ANKRD55: variants seen among roughly 807,000 people sequenced by gnomAD.
ANKRD55 encodes the protein ankyrin repeat domain-containing protein 55.
A neutral mutation model predicts 60.6 loss-of-function variants in ANKRD55; 41 were observed. The observed-to-expected ratio is 0.68, with a 90% CI of 0.53 to 0.88. The LOEUF (loss-of-function observed/expected upper bound fraction) is 0.88. Ranked by LOEUF, ANKRD55 falls within the 40% of genes least tolerant of loss-of-function variation. The pLI is 0.00. For synonymous variants in ANKRD55, 264 were observed against 290.3 expected (o/e 0.91, Z 0.92); for missense variants, 732 against 767.6 (o/e 0.95, Z 0.55).
intron 2 of ANKRD55, among the ~76,000 whole-genome samples, chr5:56,204,177 CT>C (rs1759447889): frequency 6.6e-6 from 1 of 151,676 alleles, no homozygotes; most frequent in African/African-American, 2.4e-5. Context: ...GGTGGGGTTG[CT>C]TTTTTCTTGT....
chr5:56,125,038 C>T (rs1017252137), intron 8 of ANKRD55, among the ~76,000 whole-genome samples: 1 of 152,008 alleles, frequency 6.6e-6, no homozygotes, highest in African/African-American at 2.4e-5. Context: ...ACCATGAGGC[C>T]TAGAGAATTG....
intron 8 of ANKRD55, among the ~76,000 whole-genome samples, chr5:56,126,291 T>C (rs902620844): frequency 6.6e-6 from 1 of 152,246 alleles, no homozygotes; most frequent in African/African-American, 2.4e-5. Context: ...ACATTTCCAT[T>C]GACTCAGTGC....
intron 10 of ANKRD55, among the ~76,000 whole-genome samples, chr5:56,104,726 C>A (rs1176927245): frequency 1.3e-5 from 2 of 152,196 alleles, no homozygotes; most frequent in African/African-American, 4.8e-5. Flanking sequence ...GAGCACTCAT[C>A]ATATTCCAGA....
intron 5 of ANKRD55, among the ~76,000 whole-genome samples, chr5:56,166,632 A>G (rs1439251772): frequency 6.6e-6 from 1 of 152,166 alleles, no homozygotes; most frequent in African/African-American, 2.4e-5. Context: ...AAACAAGACA[A>G]AGAGAAAACA....
chr5:56,190,765 A>T (rs1174952628), intron 2 of ANKRD55, among the ~76,000 whole-genome samples: 1 of 152,226 alleles, frequency 6.6e-6, no homozygotes. Context: ...CAGAAGAGGA[A>T]ATCAGGCCAA....
intron 2 of ANKRD55, among the ~76,000 whole-genome samples, chr5:56,217,607 A>G (rs1467779679): frequency 6.6e-6 from 1 of 152,234 alleles, no homozygotes; most frequent in East Asian, 1.9e-4. Context: ...AGATACCCTT[A>G]AAAACATTCA....
chr5:56,157,539 G>C (rs1301097726), intron 6 of ANKRD55, among the ~76,000 whole-genome samples: 2 of 152,222 alleles, frequency 1.3e-5, no homozygotes, highest in Non-Finnish European at 2.9e-5. Flanking sequence ...AAACCCAGTT[G>C]TATATTCCAT....
chr5:56,178,368 A>G (rs569567151), intron 3 of ANKRD55, among the ~76,000 whole-genome samples: 1 of 151,952 alleles, frequency 6.6e-6, no homozygotes, highest in Non-Finnish European at 1.5e-5. Flanking sequence ...ATATTTCTTA[A>G]GTTTAAAATA....
In ANKRD55 at chr5:56,198,362, C is replaced by G. The variant is rs143837307; in HGVS notation, c.59-14728G>C. On this transcript the variant is annotated intron_variant, in intron 2 of 11. Transcript: ENST00000341048. ...TTACCCAGGCGTGATCTTGGCTCAC[C>G]GCAACCTCTGCCTCCTGGGTTCAAG... is the stretch of plus-strand genomic sequence containing the variant. Among the ~76,000 whole-genome samples, 33 of 151,880 alleles carry G rather than the reference C, an allele frequency of 2.2e-4. No homozygotes were observed. In the East Asian group the frequency reaches 6.0e-3, roughly 28 times the overall value.
intron 7 of ANKRD55, chr5:56,137,021 T>A: frequency 1.4e-6 from 1 of 720,722 alleles, no homozygotes; most frequent in African/African-American, 1.7e-5. Flanking sequence ...CACAAAATCA[T>A]GCAAATCAAG....
At chr5:56,159,016 CT>C (rs1332552926) in intron 6 of ANKRD55, among the ~76,000 whole-genome samples, 1 of 151,732 alleles carries the variant, frequency 6.6e-6, no homozygotes, top group Non-Finnish European at 1.5e-5. Flanking sequence ...CTTTTTCTTT[CT>C]TTTTTTTCTT....
intron 2 of ANKRD55, among the ~76,000 whole-genome samples, chr5:56,213,250 A>T (rs1759720839): frequency 6.6e-6 from 1 of 152,240 alleles, no homozygotes; most frequent in Admixed American, 6.5e-5. Flanking sequence ...TGTAAAAATA[A>T]ATAGATAATT....
At chr5:56,100,398 A>G in intron 11 of ANKRD55, 94 bp from the exon 12 acceptor site, 3 of 1,484,190 alleles carry the variant, frequency 2.0e-6, no homozygotes, top group South Asian at 1.2e-5. Flanking sequence ...GAGTCGAGGC[A>G]TTTCTAAGAA....
At chr5:56,112,504 C>CAAAAAAAAAAAAAAAACAAA (rs1561252078) in intron 9 of ANKRD55, among the ~76,000 whole-genome samples, 3 of 25,698 alleles carry the variant, frequency 1.2e-4, no homozygotes, top group African/African-American at 5.4e-4. Context: ...TCATCTCTAG[C>CAAAAAAAAAAAAAAAACAAA]AAAAAAAAAA....
At chr5:56,127,944 C>T (rs962451867) in intron 7 of ANKRD55, among the ~76,000 whole-genome samples, 1 of 152,180 alleles carries the variant, frequency 6.6e-6, no homozygotes, top group Non-Finnish European at 1.5e-5. Context: ...TATTCTATGG[C>T]ATGCCTGTCC....
intron 4 of ANKRD55, among the ~76,000 whole-genome samples, chr5:56,173,566 C>A (rs1250573180): frequency 1.3e-4 from 15 of 113,978 alleles, no homozygotes; most frequent in East Asian, 1.2e-3. Flanking sequence ...CTCTCTCTCT[C>A]TCTCTCTCTC....
chr5:56,107,676 G>C (rs1436962641), intron 10 of ANKRD55, among the ~76,000 whole-genome samples: 1 of 152,098 alleles, frequency 6.6e-6, no homozygotes, highest in African/African-American at 2.4e-5. Flanking sequence ...CTTAATGGGA[G>C]CTGATTCACA....
At chr5:56,175,632 G>GA (rs531638317) in intron 4 of ANKRD55, among the ~76,000 whole-genome samples, 7 of 152,098 alleles carry the variant, frequency 4.6e-5, no homozygotes, top group Non-Finnish European at 1.0e-4. Flanking sequence ...ATTGTGGGCT[G>GA]AGTCATCTGC....
At chr5:56,168,872 T>C (rs369238118) in intron 5 of ANKRD55, among the ~76,000 whole-genome samples, 28 of 152,238 alleles carry the variant, frequency 1.8e-4, no homozygotes, top group African/African-American at 4.8e-4. Flanking sequence ...TTTTTGTTTT[T>C]TTGAGACGAA....
Sources: allele counts gnomAD v4.1 joint callset (sites outside exome capture counted in the v4.1 genomes callset), GRCh38; gene constraint gnomAD v4.1.1; transcripts MANE v1.5; gene names NCBI Gene and HGNC (gene_info 2026-07-23, HGNC 2026-07-21).